Variants in UBE2V2 observed in about 807,000 individuals in gnomAD.
The protein encoded by UBE2V2 is ubiquitin conjugating enzyme E2 V2.
In UBE2V2, 9 loss-of-function variants were observed where a neutral mutation model predicts 17.2. That is an observed-to-expected ratio of 0.52 (90% CI 0.32 to 0.91). The LOEUF (loss-of-function observed/expected upper bound fraction) is 0.91, where lower values mean the gene tolerates loss of function less well. Among genes scored for constraint, UBE2V2 ranks in the 40% least tolerant of loss-of-function variants. The pLI, the probability that UBE2V2 is intolerant of heterozygous loss-of-function variation, is 0.04. For missense variants in UBE2V2, 133 were observed against 182.6 expected, an observed-to-expected ratio of 0.73 and a Z score of 1.56; for synonymous variants, 61 against 57.5, an observed-to-expected ratio of 1.06 and a Z score of -0.28.
chr8:48,048,731 AT>A (rs547341968), intron 2 of UBE2V2, among the ~76,000 whole-genome samples: 206 of 152,240 alleles, frequency 1.4e-3, no homozygotes, highest in Admixed American at 3.5e-3. Flanking sequence ...TCTGACCTCC[AT>A]TTGGATAGCT....
intron 2 of UBE2V2, among the ~76,000 whole-genome samples, chr8:48,044,584 C>T (rs546616700): frequency 1.6e-4 from 24 of 152,238 alleles, no homozygotes; most frequent in Admixed American, 1.5e-3. Flanking sequence ...CTGATAGGCT[C>T]CCTGTTTACT....
At chr8:48,044,617 A>T (rs1656248172) in intron 2 of UBE2V2, among the ~76,000 whole-genome samples, 1 of 152,112 alleles carries the variant, frequency 6.6e-6, no homozygotes, top group Admixed American at 6.6e-5. Flanking sequence ...TTTTTCCTGA[A>T]GACATTTTAG....
At chr8:48,054,746 G>C (rs962590537) in intron 3 of UBE2V2, among the ~76,000 whole-genome samples, 1 of 152,178 alleles carries the variant, frequency 6.6e-6, no homozygotes, top group Non-Finnish European at 1.5e-5. Flanking sequence ...GTTATTCCCT[G>C]TGGGTGGTTA....
At chr8:48,056,512 C>G (rs1249083298) in intron 3 of UBE2V2, among the ~76,000 whole-genome samples, 1 of 152,000 alleles carries the variant, frequency 6.6e-6, no homozygotes, top group Non-Finnish European at 1.5e-5. Context: ...CTTGCTAACC[C>G]CAAATAAAAA....
At chr8:48,058,264 C>T (rs941223997) in intron 3 of UBE2V2, among the ~76,000 whole-genome samples, 7 of 151,332 alleles carry the variant, frequency 4.6e-5, no homozygotes, top group Non-Finnish European at 7.4e-5. Context: ...GTCAGGAGTT[C>T]GAGACCAGCC....
At chr8:48,004,202 G>C (rs573788828), upstream of UBE2V2, among the ~76,000 whole-genome samples, 1 of 152,254 alleles carries the variant, frequency 6.6e-6, no homozygotes, top group African/African-American at 2.4e-5. Context: ...AGCAAATGCA[G>C]GTTTTCTCAA....
chr8:48,050,032 A>C, intron 3 of UBE2V2, 54 bp downstream of exon 3: 2 of 1,260,880 alleles, frequency 1.6e-6, no homozygotes. Context: ...AGAGTTATAT[A>C]TTATACGTAC....
chr8:48,051,744 G>C (rs2091540179), intron 3 of UBE2V2, among the ~76,000 whole-genome samples: 1 of 152,154 alleles, frequency 6.6e-6, no homozygotes, highest in African/African-American at 2.4e-5. Flanking sequence ...CTAATACGCA[G>C]GTCTGAGGCG....
rs1802607805 is a variant in UBE2V2, at chr8:48,062,371, C to G, written c.*1543C>G. On this transcript the variant is annotated 3_prime_UTR_variant, in exon 4 of 4. Coordinates refer to ENST00000523111, the MANE Select transcript of UBE2V2 (RefSeq NM_003350.3). ...CTTTGGGAGGCTGAGACGGGCAGATCACTTGAGGTCAGGAGCTTGAGACCA... is the reference window on the plus strand; with the variant it reads ...CTTTGGGAGGCTGAGACGGGCAGATGACTTGAGGTCAGGAGCTTGAGACCA... 1 of 152,088 alleles carries G rather than the reference C, an allele frequency of 6.6e-6. No individual in the cohort carries two copies. The highest frequency in any genetic ancestry group is 6.6e-5 in the Admixed American group (1 of 15,240). 9.4% of individuals were successfully genotyped at this position (152,088 alleles called of 1,614,324 possible).
At position 48,058,110 on chromosome 8, in the gene UBE2V2, G is replaced by C. The variant is rs572028033; in HGVS notation, c.292-2572G>C. ...GTGGTTTGTGAGGCCGAGGTGTGCA[G>C]ATCCCTTGAGCCCAGGAGTTTGAGA... On this transcript the variant is annotated intron_variant, in intron 3 of 3. Coordinates refer to ENST00000523111, the MANE Select transcript of UBE2V2 (RefSeq NM_003350.3). Among the ~76,000 whole-genome samples, 8 of 152,254 alleles carry C rather than the reference G, an allele frequency of 5.3e-5. No homozygotes were observed. In the South Asian group the frequency reaches 1.7e-3, roughly 32 times the overall value.
At chr8:48,008,323 C>T (rs1031592338), upstream of UBE2V2, 35 of 1,251,452 alleles carry the variant, frequency 2.8e-5, no homozygotes, top group East Asian at 1.3e-4. Context: ...CACGTGCGCG[C>T]TGTCCCTCGG....
intron 1 of UBE2V2, among the ~76,000 whole-genome samples, chr8:48,018,778 C>G (rs757713201): frequency 1.3e-5 from 2 of 152,174 alleles, no homozygotes; most frequent in African/African-American, 2.4e-5. Context: ...TACTGTAGTA[C>G]AACCTATCTT....
chr8:48,016,697 C>G (rs543915970), intron 1 of UBE2V2, among the ~76,000 whole-genome samples: 36 of 150,298 alleles, frequency 2.4e-4, no homozygotes, highest in African/African-American at 8.6e-4. Flanking sequence ...GGTGAGGCTG[C>G]TCTCGAACTC....
chr8:48,017,460 G>T lies in UBE2V2; in HGVS notation c.16+8990G>T, dbSNP rs150899095. Among the ~76,000 whole-genome samples, 196 of 150,388 alleles carry T rather than the reference G, an allele frequency of 1.3e-3. 1 individual carries two copies. The highest frequency in any genetic ancestry group is 4.5e-3 in the African/African-American group (185 of 40,878). ...ACGATCTCAGCTCACTGCAAGCTCT[G>T]CCTCCTGGGTTCAAGGGATTCTCCT... is the stretch of plus-strand genomic sequence containing the variant. On this transcript the variant is annotated intron_variant, in intron 1 of 3. Transcript: ENST00000523111.
At chr8:48,023,688 A>G (rs911776694) in intron 1 of UBE2V2, among the ~76,000 whole-genome samples, 4 of 152,020 alleles carry the variant, frequency 2.6e-5, no homozygotes, top group African/African-American at 7.2e-5. Flanking sequence ...CCTGGCCAAC[A>G]TGGTGATACC....
intron 1 of UBE2V2, among the ~76,000 whole-genome samples, chr8:48,015,520 T>G (rs971188500): frequency 2.0e-5 from 3 of 152,208 alleles, no homozygotes; most frequent in Non-Finnish European, 4.4e-5. Flanking sequence ...TAATAGCTAC[T>G]GAGTATTTTT....
chr8:48,009,267 C>CTTTTCT (rs2091210633), intron 1 of UBE2V2, among the ~76,000 whole-genome samples: 2 of 133,804 alleles, frequency 1.5e-5, no homozygotes, highest in South Asian at 4.7e-4. Flanking sequence ...CTTTTCTTTT[C>CTTTTCT]TTTTTTTTTT....
chr8:48,051,861 C>A (rs939335478), intron 3 of UBE2V2, among the ~76,000 whole-genome samples: 4 of 152,138 alleles, frequency 2.6e-5, no homozygotes, highest in African/African-American at 9.7e-5. Flanking sequence ...CTTAGCCCTG[C>A]ACCTGCTGGG....
At chr8:48,037,480 A>G (rs1038852508) in intron 1 of UBE2V2, among the ~76,000 whole-genome samples, 4 of 152,254 alleles carry the variant, frequency 2.6e-5, no homozygotes, top group African/African-American at 7.2e-5. Context: ...GATACAGTTT[A>G]GTAGAAGTAT....
Sources: allele counts gnomAD v4.1 joint callset (sites outside exome capture counted in the v4.1 genomes callset), GRCh38; gene constraint gnomAD v4.1.1; transcripts MANE v1.5; gene names NCBI Gene and HGNC (gene_info 2026-07-23, HGNC 2026-07-21).